Variants in PRG3 observed in about 807,000 individuals in gnomAD.
PRG3 encodes the protein proteoglycan 3, pro eosinophil major basic protein 2.
Under a neutral mutation model 26.1 loss-of-function variants are expected in PRG3, and 25 were observed. The ratio of observed to expected loss-of-function variants is 0.96; its 90% CI spans 0.70 to 1.34. PRG3 has a LOEUF of 1.34. Among genes scored for constraint, PRG3 ranks in the 40% most tolerant of loss-of-function variants. The pLI, the probability that PRG3 is intolerant of heterozygous loss-of-function variation, is 0.00. For missense variants in PRG3, 280 were observed against 264.8 expected, an observed-to-expected ratio of 1.06 and a Z score of -0.40; for synonymous variants, 111 against 100.4, an observed-to-expected ratio of 1.11 and a Z score of -0.63.
rs116078737 is a variant in PRG3 at position 57,380,725 on chromosome 11, C to A, written c.-17G>T. 83 of 1,520,236 alleles carry A rather than the reference C, an allele frequency of 5.5e-5. No individual in the cohort carries two copies. Among genetic ancestry groups the A allele is most frequent in the Admixed American group, 1.6e-4 (7 of 43,238 alleles). The allele number at this position is 1,520,236 out of a possible 1,614,324, so 94.2% of individuals were successfully genotyped here. On this transcript the variant is annotated 5_prime_UTR_variant, in exon 2 of 6. Transcript: ENST00000287143. ...GCATTGCATATCTACTGTCTTTTAGCGAGGACACTACTCCACCGTCCTTCT... is the reference window on the plus strand; with the variant it reads ...GCATTGCATATCTACTGTCTTTTAGAGAGGACACTACTCCACCGTCCTTCT...
intron 4 of PRG3, 103 bp from the exon 5 acceptor site, chr11:57,377,939 G>C (rs1360274026): frequency 1.1e-6 from 1 of 892,434 alleles, no homozygotes; most frequent in Non-Finnish European, 1.8e-6. Context: ...CCAGGAGCCA[G>C]ACACCCTAGA....
At chr11:57,380,429 A>AC (rs1554969508) in intron 2 of PRG3, among the ~76,000 whole-genome samples, 9,059 of 150,976 alleles carry the variant, frequency 0.06, 945 homozygotes, top group African/African-American at 0.21. Flanking sequence ...ACAAAAAAAA[A>AC]AACAAAAACA....
chr11:57,380,612 G>T, intron 2 of PRG3, 36 bp downstream of exon 2: 1 of 1,517,600 alleles, frequency 6.6e-7, no homozygotes, highest in Admixed American at 2.1e-5. Context: ...AAGGAAAAAA[G>T]GGAAAGACGC....
rs1940145 is a variant in PRG3, at chr11:57,378,729, G to A, written c.459C>T (p.Ser153=). The change falls in exon 4 of 6, where the codon AGC becomes AGT. Residue 153 remains serine (S), a synonymous_variant. Transcript: ENST00000287143. ...NFNYRIQCCT[S]TVNQAQVWIG... Reference sequence around the variant, plus strand: ...TCCAGACCTGGGCTTGGTTGACTGTGCTAGTGCAGCACTGAATGCGATAGT... The same window carrying A: ...TCCAGACCTGGGCTTGGTTGACTGTACTAGTGCAGCACTGAATGCGATAGT... 0.045 allele frequency: 72,421 copies of A among 1,613,734 alleles called. 1,878 individuals are homozygous for A. Among genetic ancestry groups the A allele is most frequent in the Non-Finnish European group, 0.052 (61,442 of 1,179,836 alleles).
chr11:57,377,167 A>G (rs976162463), intron 5 of PRG3, among the ~76,000 whole-genome samples: 3 of 152,198 alleles, frequency 2.0e-5, no homozygotes, highest in African/African-American at 7.2e-5. Context: ...GGGTGCTGTC[A>G]TCATCCCCAT....
chr11:57,380,416 C>CAAAAA (rs869309070), intron 2 of PRG3, among the ~76,000 whole-genome samples: 8 of 10,558 alleles, frequency 7.6e-4, no homozygotes, highest in East Asian at 7.0e-3. Flanking sequence ...AAACAAAAAA[C>CAAAAA]AAACAAAAAA....
Position 57,377,724 on chromosome 11 carries a change from C to T in PRG3, c.619+1G>A. 1 of 1,610,760 alleles carries T rather than the reference C, an allele frequency of 6.2e-7. No homozygotes were observed. Among genetic ancestry groups the T allele is most frequent in the Non-Finnish European group, 8.5e-7 (1 of 1,177,984 alleles). On this transcript the variant is annotated splice_donor_variant, in intron 5 of 5. Transcript: ENST00000287143. LOFTEE classifies it high-confidence loss of function. ...CCTGCCCTGGTGCCCTTCCCCCTCA[C>T]CTTTGGTGCATAGGGCCACACAGGA...
intron 4 of PRG3, 83 bp from the exon 5 acceptor site, chr11:57,377,919 G>A: frequency 1.7e-6 from 2 of 1,147,460 alleles, no homozygotes; most frequent in Non-Finnish European, 1.3e-6. Context: ...TTCTCTCACT[G>A]CCTACCTGGC....
chr11:57,378,296 A>G (rs2584860), intron 4 of PRG3, among the ~76,000 whole-genome samples: 146,428 of 152,220 alleles, frequency 0.96, 70,734 homozygotes, highest in Non-Finnish European at 1. Flanking sequence ...AACCTATTTA[A>G]CTAGCTTTCT....
chr11:57,380,129 C>T (rs199779313), intron 2 of PRG3, among the ~76,000 whole-genome samples: 2 of 152,136 alleles, frequency 1.3e-5, no homozygotes, highest in Non-Finnish European at 2.9e-5. Flanking sequence ...TTGCCGGGTG[C>T]GGTGGCTCAC....
chr11:57,378,562 A>G, intron 4 of PRG3, 119 bp downstream of exon 4: 1 of 1,361,136 alleles, frequency 7.3e-7, no homozygotes, highest in Non-Finnish European at 1.0e-6. Context: ...TCTCCAGCAC[A>G]TCATTGCCTG....
intron 2 of PRG3, among the ~76,000 whole-genome samples, chr11:57,380,416 CA>C (rs869309070): frequency 1.9e-4 from 2 of 10,596 alleles, no homozygotes; most frequent in Admixed American, 1.8e-3. Context: ...AAACAAAAAA[CA>C]AACAAAAAAA....
At chr11:57,378,478 G>A (rs1284064772) in intron 4 of PRG3, among the ~76,000 whole-genome samples, 1 of 151,976 alleles carries the variant, frequency 6.6e-6, no homozygotes, top group Non-Finnish European at 1.5e-5. Flanking sequence ...ATGTCAAGCT[G>A]CAAGCATGTA....
intron 5 of PRG3, 80 bp downstream of exon 5, chr11:57,377,645 T>C (rs1856957427): frequency 8.4e-7 from 1 of 1,188,538 alleles, no homozygotes; most frequent in Non-Finnish European, 1.2e-6. Context: ...TGGGGAGGTG[T>C]GTTCAGGCAG....
Position 57,379,637 on chromosome 11 carries a change from C to A in PRG3, c.232G>T (p.Ala78Ser), listed in dbSNP as rs770735816. The change falls in exon 3 of 6, where the codon GCC becomes TCC. Residue 78 changes from alanine (A) to serine (S), a missense_variant. Physicochemically the swap from Ala to Ser is moderately conservative, Grantham distance 99 (BLOSUM62 1). Transcript: ENST00000287143. ...AAGGCAGCTGGGTCCGACTCCATGG[C>A]TTCCTCATCCTCAAAGTTGTCTTGA... ...ACQDNFEDEE[A>S]MESDPAALDK... The A allele has an allele frequency of 5.0e-6, 8 of 1,613,846 alleles. No individual in the cohort carries two copies. In the Admixed American group the frequency reaches 1.3e-4, roughly 27 times the overall value.
rs188092839 is a variant in PRG3, at chr11:57,376,819, G to C, written c.*31C>G. 1,429 of 1,610,328 alleles carry C rather than the reference G, an allele frequency of 8.9e-4. 2 individuals are homozygous for C. Among genetic ancestry groups the C allele is most frequent in the Middle Eastern group, 7.6e-3 (46 of 6,032 alleles). ...GCAGGAGAGGTTGGGGGACGGGAGG[G>C]AGCTGCTGGCAGGGTCTCCGTGCCG... On this transcript the variant is annotated 3_prime_UTR_variant, in exon 6 of 6. Transcript: ENST00000287143.
Position 57,379,529 on chromosome 11 carries a change from A to G in PRG3, c.340T>C (p.Leu114=), listed in dbSNP as rs1281961849. The G allele has an allele frequency of 2.5e-6, 4 of 1,613,462 alleles. No individual in the cohort carries two copies. In the African/African-American group the frequency reaches 4.0e-5, roughly 16 times the overall value. ...SPRCKICRYL[L]VRTPKTFAEA... ...GCAAAAGTTTTAGGAGTCCGCACCA[A>G]TAGGTAGCGGCAGATCTTGCACCTT... Residue 114 remains leucine, a synonymous_variant, in exon 3 of 6, where the codon TTG becomes CTG. Transcript: ENST00000287143.
intron 1 of PRG3, 138 bp downstream of exon 1, chr11:57,380,976 G>A: frequency 3.4e-6 from 1 of 295,892 alleles, no homozygotes; most frequent in Non-Finnish European, 6.1e-6. Context: ...CCTTAGCCCA[G>A]ACTCCTGCCC....
At position 57,378,699 on chromosome 11, in the gene PRG3, T is replaced by C. The variant is rs1308724303; in HGVS notation, c.489A>G (p.Gly163=). Reference sequence around the variant, plus strand: ...GACTTACCCAGCCCCTGAGGTTGCCTCCAATCCAGACCTGGGCTTGGTTGA... The same window carrying C: ...GACTTACCCAGCCCCTGAGGTTGCCCCCAATCCAGACCTGGGCTTGGTTGA... ...STVNQAQVWI[G]GNLRGWFLWK... Residue 163 remains glycine, a synonymous_variant, in exon 4 of 6, where the codon GGA becomes GGG. Transcript: ENST00000287143. 3.1e-6 allele frequency: 5 copies of C among 1,613,656 alleles called. No individual in the cohort carries two copies. The highest frequency in any genetic ancestry group is 4.2e-6 in the Non-Finnish European group (5 of 1,179,824).
Sources: allele counts gnomAD v4.1 joint callset (sites outside exome capture counted in the v4.1 genomes callset), GRCh38; gene constraint gnomAD v4.1.1; transcripts MANE v1.5; gene names NCBI Gene and HGNC (gene_info 2026-07-23, HGNC 2026-07-21).